Variants in HIRA observed in about 807,000 individuals in gnomAD.
HIRA encodes protein HIRA.
A neutral mutation model predicts 126.6 loss-of-function variants in HIRA; 13 were observed. The ratio of observed to expected loss-of-function variants is 0.10; its 90% CI spans 0.07 to 0.16. HIRA has a LOEUF of 0.16. Ranked by LOEUF, HIRA falls within the 10% of genes least tolerant of loss-of-function variation. HIRA has a pLI of 1.00. For synonymous variants in HIRA, 511 were observed against 520.0 expected (o/e 0.98, Z 0.24); for missense variants, 834 against 1,314.4 (o/e 0.63, Z 5.65).
chr22:19,396,554 T>C (rs2089225758), intron 7 of HIRA, among the ~76,000 whole-genome samples: 1 of 152,206 alleles, frequency 6.6e-6, no homozygotes, highest in Non-Finnish European at 1.5e-5. Context: ...ATAAATCCCT[T>C]TTATTTCAAA....
At chr22:19,404,258 C>A (rs2089291471) in intron 5 of HIRA, among the ~76,000 whole-genome samples, 1 of 152,114 alleles carries the variant, frequency 6.6e-6, no homozygotes, top group Admixed American at 6.5e-5. Flanking sequence ...AGTGTCAGGT[C>A]CCCAGCTGAA....
chr22:19,341,448 C>CAAAAAA, intron 24 of HIRA, among the ~76,000 whole-genome samples: 1 of 107,856 alleles, frequency 9.3e-6, no homozygotes. Context: ...GACCCTGTTT[C>CAAAAAA]AAAAAAAAAA....
At chr22:19,338,516 T>C (rs553427037) in intron 24 of HIRA, among the ~76,000 whole-genome samples, 1 of 151,900 alleles carries the variant, frequency 6.6e-6, no homozygotes, top group South Asian at 2.1e-4. Context: ...ATAGTCTAAA[T>C]GCTCCACTTA....
Position 19,375,712 on chromosome 22 carries a change from A to G in HIRA, c.1694T>C (p.Phe565Ser). 1 of 1,614,178 alleles carries G rather than the reference A, an allele frequency of 6.2e-7. No homozygotes were observed. The highest frequency in any genetic ancestry group is 8.5e-7 in the Non-Finnish European group (1 of 1,180,038). Reference protein sequence around the residue: ...TPSKIEPMKAFDSRFTERSKA... With the variant: ...TPSKIEPMKASDSRFTERSKA... ...GGACCGCTCTGTGAACCGGGAGTCA[A>G]ACGCTTTCATGGGTTCGATCTTGGA... Residue 565 changes from phenylalanine to serine, a missense_variant, in exon 15 of 25, where the codon TTT (phenylalanine) becomes TCT (serine). Physicochemically the swap from Phe to Ser is radical, Grantham distance 155 (BLOSUM62 -2). This residue lies in a region of HIRA where 468 missense variants were observed against 574.2 expected (regional missense o/e 0.82). Transcript: ENST00000263208.
At chr22:19,381,067 ATTTCTTTGAGT>A (rs532479473) in intron 13 of HIRA, among the ~76,000 whole-genome samples, 26 of 152,310 alleles carry the variant, frequency 1.7e-4, no homozygotes, top group African/African-American at 6.0e-4. Flanking sequence ...ATTTCTAGTT[ATTTCTTTGAGT>A]TTTCTTTGAA....
intron 12 of HIRA, among the ~76,000 whole-genome samples, chr22:19,384,827 T>C (rs1272327738): frequency 6.6e-6 from 1 of 151,764 alleles, no homozygotes; most frequent in African/African-American, 2.4e-5. Context: ...CTATTTTTTT[T>C]TTTTTTAAGT....
chr22:19,430,354 G>A (rs1224132545), intron 1 of HIRA: 1 of 152,280 alleles, frequency 6.6e-6, no homozygotes, highest in Non-Finnish European at 1.5e-5. Flanking sequence ...AGAGAGAGGT[G>A]GCAGGAGGAG....
At chr22:19,379,672 T>G (rs1458721355) in intron 13 of HIRA, among the ~76,000 whole-genome samples, 2 of 151,392 alleles carry the variant, frequency 1.3e-5, no homozygotes, top group African/African-American at 2.4e-5. Flanking sequence ...TTTTTTTTTT[T>G]TGTGAACTGC....
chr22:19,388,352 T>C (rs1490550320), intron 10 of HIRA, 132 bp downstream of exon 10: 2 of 661,220 alleles, frequency 3.0e-6, no homozygotes, highest in African/African-American at 1.8e-5. Context: ...AACAGCACTC[T>C]TGGTCTGCGC....
chr22:19,379,365 G>A (rs1411372776), intron 13 of HIRA, among the ~76,000 whole-genome samples: 44 of 150,974 alleles, frequency 2.9e-4, no homozygotes, highest in Non-Finnish European at 1.3e-4. Context: ...AGTGGCTCAT[G>A]CCTGTAATCC....
At chr22:19,334,097 C>T (rs1299404465) in intron 24 of HIRA, among the ~76,000 whole-genome samples, 2 of 151,860 alleles carry the variant, frequency 1.3e-5, no homozygotes, top group Admixed American at 6.6e-5. Flanking sequence ...GCCTCAGCCT[C>T]CCGAGTAGCT....
rs1333791100 is a variant in HIRA, at chr22:19,401,850, T to C, written c.398-3763A>G. On this transcript the variant is annotated intron_variant, in intron 5 of 24. Coordinates refer to ENST00000263208, the MANE Select transcript of HIRA (RefSeq NM_003325.4). ...CAGCCCTGAGACCCCCATGGTAGAA[T>C]CCACACTGCTGCCACAGGTCTCAAC... 2.6e-5 allele frequency among the ~76,000 whole-genome samples: 4 copies of C among 152,090 alleles called. No homozygotes were observed. In the East Asian group the frequency reaches 7.7e-4, roughly 29 times the overall value.
In HIRA at chr22:19,331,461, G is replaced by A. The variant is rs375835680; in HGVS notation, c.3033C>T (p.Leu1011=). 9.4e-5 allele frequency: 152 copies of A among 1,614,112 alleles called. No homozygotes were observed. Among genetic ancestry groups the A allele is most frequent in the African/African-American group, 2.5e-4 (19 of 75,052 alleles). The change falls in exon 25 of 25, where the codon CTC becomes CTT. Residue 1011 remains leucine, a synonymous_variant. Coordinates refer to ENST00000263208, the MANE Select transcript of HIRA (RefSeq NM_003325.4). ...QRLFTECQEQ[L]DILRDK Reference sequence around the variant, plus strand: ...CAGGCTACTTGTCCCTCAGGATGTCGAGCTGTTCCTGACACTCGGTGAAGA... The same window carrying A: ...CAGGCTACTTGTCCCTCAGGATGTCAAGCTGTTCCTGACACTCGGTGAAGA...
In HIRA at chr22:19,331,145, G is replaced by A; in HGVS notation, c.*295C>T. The stretch of plus-strand genomic sequence containing the variant: ...GTGTCCACCTTGGGGCCGTGCTGGA[G>A]ACGGCAGGCCTGGGACTGCCTTGCT... On this transcript the variant is annotated 3_prime_UTR_variant, in exon 25 of 25. Transcript: ENST00000263208. 7.5e-7 allele frequency: 1 copy of A among 1,334,610 alleles called. No individual in the cohort carries two copies. Among genetic ancestry groups the A allele is most frequent in the Non-Finnish European group, 9.8e-7 (1 of 1,017,688 alleles). 82.7% of individuals were successfully genotyped at this position (1,334,610 alleles called of 1,614,324 possible).
At chr22:19,415,781 C>A (rs1031105347) in intron 1 of HIRA, among the ~76,000 whole-genome samples, 1 of 151,722 alleles carries the variant, frequency 6.6e-6, no homozygotes, top group Non-Finnish European at 1.5e-5. Context: ...AAGAGTGAAA[C>A]TCCGTCTCAA....
intron 7 of HIRA, 113 bp from the exon 8 acceptor site, chr22:19,394,622 C>T (rs954130857): frequency 4.7e-6 from 5 of 1,066,232 alleles, no homozygotes; most frequent in Non-Finnish European, 6.7e-6. Context: ...GTGGAGCATG[C>T]ACCCCAAGCT....
intron 1 of HIRA, 152 bp downstream of exon 1, chr22:19,431,288 A>C (rs961293718): frequency 3.6e-5 from 30 of 827,866 alleles, no homozygotes; most frequent in Non-Finnish European, 5.7e-5. Context: ...CTCCGCGCTG[A>C]GGACAAAGTC....
At chr22:19,429,422 C>T (rs2089514032) in intron 1 of HIRA, among the ~76,000 whole-genome samples, 1 of 152,100 alleles carries the variant, frequency 6.6e-6, no homozygotes, top group South Asian at 2.1e-4. Context: ...AGGCATGTGC[C>T]ACCGTGCCCA....
At chr22:19,414,339 G>A (rs1377322349) in intron 1 of HIRA, among the ~76,000 whole-genome samples, 3 of 152,302 alleles carry the variant, frequency 2.0e-5, no homozygotes, top group East Asian at 3.9e-4. Flanking sequence ...TCACACTAGG[G>A]GAAAGATTCC....
Sources: gnomAD v4.1 joint callset for allele counts (sites outside exome capture counted in the v4.1 genomes callset) on GRCh38, gnomAD v4.1.1 for gene constraint, gnomAD v4.1.1 regional missense constraint, MANE v1.5 for transcripts, NCBI Gene and HGNC (gene_info 2026-07-23, HGNC 2026-07-21) for gene names.